PITPNM2: variants seen among roughly 807,000 people sequenced by gnomAD.
PITPNM2 encodes membrane-associated phosphatidylinositol transfer protein 2.
A neutral mutation model predicts 132.2 loss-of-function variants in PITPNM2; 35 were observed. The ratio of observed to expected loss-of-function variants is 0.26; its 90% confidence interval spans 0.20 to 0.35. PITPNM2 has a LOEUF of 0.35. PITPNM2 is among the 10% of genes least tolerant of loss of function. PITPNM2 has a pLI of 1.00. For synonymous variants in PITPNM2, 738 were observed against 799.2 expected (o/e 0.92, Z 1.29); for missense variants, 1,332 against 1,912.0 (o/e 0.70, Z 5.66).
chr12:123,003,341 T>C (rs1020102204), intron 8 of PITPNM2, among the ~76,000 whole-genome samples: 2 of 152,170 alleles, frequency 1.3e-5, no homozygotes, highest in Admixed American at 1.3e-4. Flanking sequence ...TCCTGGCACT[T>C]CCTGCTTTGC....
Position 122,994,998 on chromosome 12 carries a change from CTT to C in PITPNM2, c.2055-21_2055-20del. On this transcript the variant is annotated intron_variant, in intron 14 of 25. Coordinates refer to ENST00000320201, the MANE Select transcript of PITPNM2 (RefSeq NM_020845.3). The surrounding 1 kb of genome is among the most constrained non-coding windows in gnomAD (Gnocchi z 5.4). Reference sequence around the variant, plus strand: ...ATGGAGGCTGCAGACCCAAATAAGACTTAGCTGTCATGTGGGTGCAGCTGCCA... The same window carrying C: ...ATGGAGGCTGCAGACCCAAATAAGACAGCTGTCATGTGGGTGCAGCTGCCA... 6.3e-7 allele frequency: 1 copy of C among 1,580,120 alleles called. No homozygotes were observed. Among genetic ancestry groups the C allele is most frequent in the Non-Finnish European group, 8.6e-7 (1 of 1,164,252 alleles).
chr12:123,137,403 A>G (rs1399824163), intron 1 of PITPNM2, among the ~76,000 whole-genome samples: 1 of 152,104 alleles, frequency 6.6e-6, no homozygotes, highest in East Asian at 1.9e-4. Flanking sequence ...TGGGCAGAAG[A>G]AGGCTGTGCC....
At position 123,034,226 on chromosome 12, in the gene PITPNM2, C is replaced by T. The variant is rs1050317120; in HGVS notation, c.78+287G>A. 7.4e-6 allele frequency: 3 copies of T among 408,034 alleles called. No individual in the cohort carries two copies. The East Asian group carries it at 1.1e-4, about 15-fold the overall frequency. 25.3% of individuals were successfully genotyped at this position (408,034 alleles called of 1,614,324 possible). On this transcript the variant is annotated intron_variant, in intron 3 of 25. Transcript: ENST00000320201. ...GAAACATAGGAAAACATAGGGATAA[C>T]GTCTGGGCCAGGGAGATAATGGTGC... is the stretch of plus-strand genomic sequence containing the variant.
intron 2 of PITPNM2, chr12:123,075,916 T>C (rs2041771036): frequency 6.6e-6 from 1 of 152,246 alleles, no homozygotes; most frequent in Non-Finnish European, 1.5e-5. Flanking sequence ...CACACTTGCA[T>C]TGCCCTGAGC....
chr12:123,039,872 C>G (rs895648084), intron 2 of PITPNM2, among the ~76,000 whole-genome samples: 6 of 152,240 alleles, frequency 3.9e-5, no homozygotes, highest in African/African-American at 1.4e-4. Context: ...GTGGCTCACG[C>G]CTTAATCCCA....
chr12:123,108,872 C>T lies in PITPNM2; in HGVS notation c.-96+1513G>A, dbSNP rs2042777275. On this transcript the variant is annotated intron_variant, in intron 2 of 25. Coordinates refer to ENST00000320201, the MANE Select transcript of PITPNM2 (RefSeq NM_020845.3). The surrounding 1 kb of genome is among the most constrained non-coding windows in gnomAD (Gnocchi z 4.4). ...AAGGGACTTACCCGAGATCAGACAG[C>T]AAGTAACAGTTGAGCCTGGGCTGAA... Among the ~76,000 whole-genome samples the T allele has an allele frequency of 6.6e-6, 1 of 152,122 alleles. No homozygotes were observed. Among genetic ancestry groups the T allele is most frequent in the African/African-American group, 2.4e-5 (1 of 41,444 alleles).
rs892756730 is a variant in PITPNM2, at chr12:123,055,066, AAAAAGAAAAG to A, written c.-95-20391_-95-20382del. On this transcript the variant is annotated intron_variant, in intron 2 of 25. Coordinates refer to ENST00000320201, the MANE Select transcript of PITPNM2 (RefSeq NM_020845.3). ...CGAGAGAGCAAAACTCAGTCTCAAA[AAAAAGAAAAG>A]AAAAGAAAAGAAAAGGTACATTTTA... 2.6e-4 allele frequency among the ~76,000 whole-genome samples: 40 copies of A among 152,318 alleles called. 1 individual carries two copies. Among genetic ancestry groups the A allele is most frequent in the Non-Finnish European group, 1.2e-4 (8 of 68,028 alleles).
At position 123,096,878 on chromosome 12, in the gene PITPNM2, C is replaced by T. The variant is rs576907881; in HGVS notation, c.-96+13507G>A. Among the ~76,000 whole-genome samples, 27 of 152,216 alleles carry T rather than the reference C, an allele frequency of 1.8e-4. No homozygotes were observed. The South Asian group carries it at 4.1e-3, about 23-fold the overall frequency. On this transcript the variant is annotated intron_variant, in intron 2 of 25. Coordinates refer to ENST00000320201, the MANE Select transcript of PITPNM2 (RefSeq NM_020845.3). ...ATCCTCCAGGCCCAGCAGGTCTCCC[C>T]GGCCCCTCTGCAGCAAAAACGAGGC... is the stretch of plus-strand genomic sequence containing the variant.
At chr12:122,991,981 G>C in intron 16 of PITPNM2, 1 of 1,235,398 alleles carries the variant, frequency 8.1e-7, no homozygotes, top group Middle Eastern at 2.1e-4. Flanking sequence ...CAGAGACTCA[G>C]GGCTCCTCGA....
At position 123,036,735 on chromosome 12, in the gene PITPNM2, T is replaced by C. The variant is rs1022416810; in HGVS notation, c.-95-2050A>G. ...CATGGTGCTGCTGAGCAGCATCACC[T>C]GGACACAGAAATCCCCTCTAGCTCC... On this transcript the variant is annotated intron_variant, in intron 2 of 25. Coordinates refer to ENST00000320201, the MANE Select transcript of PITPNM2 (RefSeq NM_020845.3). This position sits in a 1 kb window ranked among gnomAD's most constrained non-coding sequence, Gnocchi z 4.1. Among the ~76,000 whole-genome samples the C allele has an allele frequency of 6.6e-6, 1 of 152,198 alleles. No homozygotes were observed. The highest frequency in any genetic ancestry group is 2.4e-5 in the African/African-American group (1 of 41,462).
At chr12:122,997,034 G>A in intron 11 of PITPNM2, 124 bp from the exon 12 acceptor site, 6 of 1,055,270 alleles carry the variant, frequency 5.7e-6, no homozygotes, top group Non-Finnish European at 8.0e-6. Flanking sequence ...TCCCGGCCAG[G>A]GCCTGGATAG....
intron 1 of PITPNM2, among the ~76,000 whole-genome samples, chr12:123,140,865 T>G (rs757079036): frequency 3.9e-5 from 6 of 151,982 alleles, no homozygotes; most frequent in African/African-American, 7.3e-5. Context: ...TTGGTGAATC[T>G]GCTCTAAGTC....
chr12:123,001,329 C>T (rs1300081832), intron 8 of PITPNM2, among the ~76,000 whole-genome samples, 171 bp from the exon 9 acceptor site: 1 of 152,210 alleles, frequency 6.6e-6, no homozygotes, highest in Non-Finnish European at 1.5e-5. Flanking sequence ...ATAGTGGTAA[C>T]ATTCACATAA....
intron 2 of PITPNM2, chr12:123,092,622 A>G (rs549999757): frequency 1.3e-5 from 2 of 152,426 alleles, no homozygotes; most frequent in Non-Finnish European, 2.9e-5. Flanking sequence ...CAGGCCAGAC[A>G]TGGCTGGCTC....
Position 123,005,308 on chromosome 12 carries a change from A to G in PITPNM2, c.884T>C (p.Leu295Pro). The G allele has an allele frequency of 1.2e-6, 2 of 1,613,886 alleles. No individual in the cohort carries two copies. Among genetic ancestry groups the G allele is most frequent in the Non-Finnish European group, 1.7e-6 (2 of 1,179,964 alleles). Residue 295 changes from leucine to proline, a missense_variant, in exon 7 of 26, where the codon CTA becomes CCA. Coordinates refer to ENST00000320201, the MANE Select transcript of PITPNM2 (RefSeq NM_020845.3). The surrounding 1 kb of genome is among the most constrained non-coding windows in gnomAD (Gnocchi z 6.2). ...PEPSSSNGEP[L>P]VGRGLKKQWS... The stretch of plus-strand genomic sequence containing the variant: ...CTGTTTCTTGAGGCCGCGCCCCACT[A>G]GGGGCTCCCCATTGCTGCTGCTGGG...
chr12:123,066,604 G>A (rs1469863026), intron 2 of PITPNM2, among the ~76,000 whole-genome samples: 1 of 152,086 alleles, frequency 6.6e-6, no homozygotes, highest in African/African-American at 2.4e-5. Context: ...CTGTGAGAGG[G>A]GCTTAACCAC....
intron 2 of PITPNM2, among the ~76,000 whole-genome samples, chr12:123,109,526 G>A (rs904051599): frequency 2.6e-5 from 4 of 152,230 alleles, no homozygotes; most frequent in African/African-American, 9.6e-5. Context: ...TACATCCAGA[G>A]GGATGGTGCA....
At chr12:123,016,960 C>T (rs1383536323) in intron 3 of PITPNM2, among the ~76,000 whole-genome samples, 2 of 150,546 alleles carry the variant, frequency 1.3e-5, no homozygotes, top group Non-Finnish European at 3.0e-5. Context: ...GCAGTAGAAT[C>T]GCTTGAACCT....
chr12:122,992,412 AACC>A lies in PITPNM2; in HGVS notation c.2404+84_2404+86del. ...AAGCTGTCCCTCTCACCTGGGGAAG[AACC>A]ACGTAGCATGGAGGACCTAGGAGCC... On this transcript the variant is annotated intron_variant, in intron 16 of 25. Coordinates refer to ENST00000320201, the MANE Select transcript of PITPNM2 (RefSeq NM_020845.3). This position sits in a 1 kb window ranked among gnomAD's most constrained non-coding sequence, Gnocchi z 6.5. The A allele has an allele frequency of 7.0e-7, 1 of 1,435,530 alleles. No individual in the cohort carries two copies. Among genetic ancestry groups the A allele is most frequent in the African/African-American group, 1.5e-5 (1 of 68,358 alleles). The allele number at this position is 1,435,530 out of a possible 1,614,324, so 88.9% of individuals were successfully genotyped here.
Sources: gnomAD v4.1 joint callset for allele counts (sites outside exome capture counted in the v4.1 genomes callset) on GRCh38, gnomAD v4.1.1 for gene constraint, Gnocchi (gnomAD v3.1) non-coding constraint, MANE v1.5 for transcripts, NCBI Gene and HGNC (gene_info 2026-07-23, HGNC 2026-07-21) for gene names.